The following CAGE1 variants were observed in gnomAD, a reference collection of about 807,000 sequenced individuals.
The protein encoded by CAGE1 is cancer-associated gene 1 protein.
CAGE1 carries 66 observed loss-of-function variants against 94.9 expected under a neutral mutation model. The observed-to-expected ratio is 0.70, with a 90% CI of 0.57 to 0.85. The LOEUF is 0.85. CAGE1 is among the 40% of genes least tolerant of loss of function. CAGE1 has a pLI of 0.00. For missense variants in CAGE1, 865 were observed against 950.4 expected, an observed-to-expected ratio of 0.91 and a Z score of 1.18; for synonymous variants, 319 against 321.0, an observed-to-expected ratio of 0.99 and a Z score of 0.07.
intron 13 of CAGE1, chr6:7,329,410 C>T (rs904735801): frequency 5.8e-6 from 2 of 345,530 alleles, no homozygotes; most frequent in Non-Finnish European, 1.0e-5. Context: ...ACTTTATACG[C>T]CTCGCCAAGG....
At chr6:7,372,879 T>C (rs1760590484) in intron 5 of CAGE1, among the ~76,000 whole-genome samples, 194 bp downstream of exon 5, 1 of 152,166 alleles carries the variant, frequency 6.6e-6, no homozygotes, top group South Asian at 2.1e-4. Flanking sequence ...GGTCTCACTA[T>C]GTTGCCTAGG....
At chr6:7,340,071 G>A (rs1355548112) in intron 11 of CAGE1, among the ~76,000 whole-genome samples, 1 of 152,092 alleles carries the variant, frequency 6.6e-6, no homozygotes, top group Non-Finnish European at 1.5e-5. Context: ...CCGCATCCTT[G>A]ACAACATCTG....
intron 11 of CAGE1, among the ~76,000 whole-genome samples, chr6:7,344,615 G>C (rs970387108): frequency 6.6e-6 from 1 of 152,248 alleles, no homozygotes; most frequent in Non-Finnish European, 1.5e-5. Flanking sequence ...TACGGCCCGA[G>C]ACTGGAAAGC....
At chr6:7,350,474 C>T (rs116603814) in intron 11 of CAGE1, among the ~76,000 whole-genome samples, 5,495 of 152,250 alleles carry the variant, frequency 0.036, 152 homozygotes, top group Non-Finnish European at 0.057. Context: ...TTCAACAACA[C>T]ATGGAATTTT....
At chr6:7,372,640 A>G (rs1165311442) in intron 5 of CAGE1, among the ~76,000 whole-genome samples, 1 of 151,838 alleles carries the variant, frequency 6.6e-6, no homozygotes, top group Non-Finnish European at 1.5e-5. Flanking sequence ...CCTGTGGTGT[A>G]TTTTCCTTTC....
In CAGE1 at chr6:7,362,017, A is replaced by G. The variant is rs1760182087; in HGVS notation, c.2193+3451T>C. Among the ~76,000 whole-genome samples the G allele has an allele frequency of 6.6e-6, 1 of 152,234 alleles. No homozygotes were observed. The highest frequency in any genetic ancestry group is 2.4e-5 in the African/African-American group (1 of 41,456). ...GTCCCTTTGGTCATTCAAGTGGACC[A>G]CAAGATACTGGGCTTTGATTGTTTT... On this transcript the variant is annotated intron_variant, in intron 9 of 13. Transcript: ENST00000502583. The surrounding 1 kb of genome is among the most constrained non-coding windows in gnomAD (Gnocchi z 4.1).
rs1469063074 is a variant in CAGE1 at position 7,389,424 on chromosome 6, T to TG, written c.-247dup. On this transcript the variant is annotated 5_prime_UTR_variant, in exon 1 of 14. Transcript: ENST00000502583. ...ACTCGCAATCGGGCTCCCGGAGTGC[T>TG]GGAACGCCCCTGTGTGACGTCCGCC... 2.0e-5 allele frequency: 9 copies of TG among 442,958 alleles called. No homozygotes were observed. The highest frequency in any genetic ancestry group is 1.8e-4 in the African/African-American group (9 of 49,558). 27.4% of individuals were successfully genotyped at this position (442,958 alleles called of 1,614,324 possible).
Position 7,374,009 on chromosome 6 carries a change from C to G in CAGE1, c.810G>C (p.Ser270=), listed in dbSNP as rs768099724. ...CTTCACTCCTCCAGGAAATGCCTGC[C>G]GAAGACCAAGTTGAGACAATTTCTG... ...ERPEIVSTWS[S]AGISWRSEAC... is the part of the protein sequence containing the mutation. The change falls in exon 5 of 14, where the codon TCG becomes TCC. Residue 270 remains serine, a synonymous_variant. Transcript: ENST00000502583. The G allele has an allele frequency of 1.7e-5, 27 of 1,613,900 alleles. No homozygotes were observed. The East Asian group carries it at 5.1e-4, about 31-fold the overall frequency.
intron 4 of CAGE1, among the ~76,000 whole-genome samples, chr6:7,375,014 A>G (rs903841882): frequency 5.3e-5 from 8 of 152,148 alleles, no homozygotes; most frequent in Non-Finnish European, 1.0e-4. Context: ...AGCCTGGGCG[A>G]TAGAGCGAGA....
At position 7,339,107 on chromosome 6, in the gene CAGE1, G is replaced by A. The variant is rs750342165; in HGVS notation, c.2370-5017C>T. ...GGTCTCTGCTGTGGATCATCAGGCCGTCCACAAACTTCATGGATTTAGCTC... is the reference window on the plus strand; with the variant it reads ...GGTCTCTGCTGTGGATCATCAGGCCATCCACAAACTTCATGGATTTAGCTC... On this transcript the variant is annotated intron_variant, in intron 11 of 13. Coordinates refer to ENST00000502583, the MANE Select transcript of CAGE1 (RefSeq NM_001170692.2). The surrounding 1 kb of genome is among the most constrained non-coding windows in gnomAD (Gnocchi z 4.7). 219 of 1,582,274 alleles carry A rather than the reference G, an allele frequency of 1.4e-4. No individual in the cohort carries two copies. Among genetic ancestry groups the A allele is most frequent in the Non-Finnish European group, 1.7e-4 (194 of 1,152,040 alleles).
Position 7,379,093 on chromosome 6 carries a change from T to C in CAGE1, c.284-73A>G, listed in dbSNP as rs533047641. 35 of 940,592 alleles carry C rather than the reference T, an allele frequency of 3.7e-5. 1 individual carries two copies. The South Asian group carries it at 6.9e-4, about 19-fold the overall frequency. The allele number at this position is 940,592 out of a possible 1,614,324, so 58.3% of individuals were successfully genotyped here. A position where few individuals can be genotyped will look rare whatever the true frequency, so the allele number is the denominator to read the frequency against. On this transcript the variant is annotated intron_variant, in intron 3 of 13. Coordinates refer to ENST00000502583, the MANE Select transcript of CAGE1 (RefSeq NM_001170692.2). The stretch of plus-strand genomic sequence containing the variant: ...TTGGATGGTAACAGTTATATTTATA[T>C]TTATCAAATAAACTGCTGTAGCCAC...
intron 11 of CAGE1, among the ~76,000 whole-genome samples, chr6:7,351,160 G>T (rs918046431): frequency 2.6e-5 from 4 of 152,090 alleles, no homozygotes; most frequent in Non-Finnish European, 5.9e-5. Flanking sequence ...ATTCAATGCT[G>T]CTATGAACAT....
intron 3 of CAGE1, among the ~76,000 whole-genome samples, chr6:7,385,492 T>C (rs190758814): frequency 1.4e-4 from 22 of 152,280 alleles, no homozygotes; most frequent in Non-Finnish European, 1.6e-4. Context: ...AGGATACTTG[T>C]ATAGTAGAAA....
intron 1 of CAGE1, among the ~76,000 whole-genome samples, chr6:7,388,214 G>C (rs1761198267): frequency 6.6e-6 from 1 of 152,006 alleles, no homozygotes; most frequent in African/African-American, 2.4e-5. Context: ...GCCATCCATA[G>C]CCTGGAGTGA....
chr6:7,358,025 G>GAGATATATAGATAT (rs1196502425), intron 9 of CAGE1, among the ~76,000 whole-genome samples: 1 of 20,300 alleles, frequency 4.9e-5, no homozygotes, highest in East Asian at 3.0e-3. Flanking sequence ...GGTAAGTTTT[G>GAGATATATAGATAT]AGATATATAT....
rs200558049 is a variant in CAGE1 at position 7,378,694 on chromosome 6, T to C, written c.610A>G (p.Thr204Ala). The change falls in exon 4 of 14, where the codon ACA (threonine) becomes GCA (alanine). Residue 204 changes from threonine to alanine, a missense_variant. Physicochemically the swap from Thr to Ala is moderately conservative, Grantham distance 58 (BLOSUM62 0). Coordinates refer to ENST00000502583, the MANE Select transcript of CAGE1 (RefSeq NM_001170692.2). ...ATACTTTTAGCCAGTGACTTTTCTG[T>C]AAATTTCAGCATCTCTCCACTGCAG... is the stretch of plus-strand genomic sequence containing the variant. The part of the protein sequence containing the change: ...IHCSGEMLKF[T>A]EKSLAKSIAK... 1.2e-6 allele frequency: 2 copies of C among 1,613,250 alleles called. No homozygotes were observed. Among genetic ancestry groups the C allele is most frequent in the Non-Finnish European group, 1.7e-6 (2 of 1,179,704 alleles).
chr6:7,346,112 A>T (rs1303624014), intron 11 of CAGE1, among the ~76,000 whole-genome samples: 1 of 152,208 alleles, frequency 6.6e-6, no homozygotes, highest in Non-Finnish European at 1.5e-5. Flanking sequence ...TTTATCAAGA[A>T]ATAAAGGAAT....
chr6:7,326,697 GA>G lies in CAGE1; in HGVS notation c.*160del. 1 of 637,916 alleles carries G rather than the reference GA, an allele frequency of 1.6e-6. No homozygotes were observed. The highest frequency in any genetic ancestry group is 1.7e-5 in the South Asian group (1 of 57,192). The allele number at this position is 637,916 out of a possible 1,614,324, so 39.5% of individuals were successfully genotyped here. ...GAATATATTTGATTATTCACAGGAA[GA>G]AATTAGAAGAAAAGTAATCACATCT... On this transcript the variant is annotated 3_prime_UTR_variant, in exon 14 of 14. Coordinates refer to ENST00000502583, the MANE Select transcript of CAGE1 (RefSeq NM_001170692.2).
intron 11 of CAGE1, among the ~76,000 whole-genome samples, chr6:7,336,526 T>C (rs1758957698): frequency 6.6e-6 from 1 of 152,192 alleles, no homozygotes; most frequent in Non-Finnish European, 1.5e-5. Context: ...TTTTTTTCTT[T>C]TAAGACAGAG....
Sources: gnomAD v4.1 joint callset for allele counts (sites outside exome capture counted in the v4.1 genomes callset) on GRCh38, gnomAD v4.1.1 for gene constraint, Gnocchi (gnomAD v3.1) non-coding constraint, MANE v1.5 for transcripts, NCBI Gene and HGNC (gene_info 2026-07-23, HGNC 2026-07-21) for gene names.